The following TYW1 variants were observed in gnomAD, a reference collection of about 807,000 sequenced individuals.
TYW1 encodes tRNA-yW synthesizing protein 1 homolog, also known as S-adenosyl-L-methionine-dependent tRNA 4-demethylwyosine synthase TYW1.
Under a neutral mutation model 96.2 loss-of-function variants are expected in TYW1, and 46 were observed. The observed-to-expected ratio is 0.48, with a 90% CI of 0.38 to 0.61. TYW1 has a LOEUF of 0.61. Ranked by LOEUF, TYW1 falls within the 20% of genes least tolerant of loss-of-function variation. The pLI, the probability that TYW1 is intolerant of heterozygous loss-of-function variation, is 0.00. For missense variants in TYW1, 684 were observed against 909.6 expected (o/e 0.75, Z 3.19); for synonymous variants, 274 against 323.0 (o/e 0.85, Z 1.63).
At chr7:67,232,092 G>A (rs1178490079) in intron 15 of TYW1, among the ~76,000 whole-genome samples, 1 of 150,744 alleles carries the variant, frequency 6.6e-6, no homozygotes, top group Non-Finnish European at 1.5e-5. Flanking sequence ...TTAGCCGGGC[G>A]TGGTGGCGTG....
intron 5 of TYW1, among the ~76,000 whole-genome samples, chr7:67,015,740 A>G (rs1181884127): frequency 6.6e-6 from 1 of 152,170 alleles, no homozygotes; most frequent in African/African-American, 2.4e-5. Flanking sequence ...AGGCAGGCGG[A>G]TCACGAGGTC....
chr7:67,232,362 C>T (rs1584725501), intron 15 of TYW1, among the ~76,000 whole-genome samples: 1 of 151,546 alleles, frequency 6.6e-6, no homozygotes, highest in Admixed American at 6.6e-5. Context: ...CAACATGGTG[C>T]AACCCCATCT....
At chr7:67,146,807 T>A (rs950742310) in intron 13 of TYW1, among the ~76,000 whole-genome samples, 1 of 152,222 alleles carries the variant, frequency 6.6e-6, no homozygotes, top group African/African-American at 2.4e-5. Flanking sequence ...CAGAGGCTGA[T>A]ACAGTGGCTT....
At chr7:67,237,297 G>A (rs1046388002) in intron 15 of TYW1, among the ~76,000 whole-genome samples, 2 of 144,080 alleles carry the variant, frequency 1.4e-5, no homozygotes, top group African/African-American at 5.3e-5. Flanking sequence ...TTAGGAGATC[G>A]AGACCATCCT....
chr7:67,084,877 C>G (rs1196917641), intron 11 of TYW1, among the ~76,000 whole-genome samples: 2 of 152,120 alleles, frequency 1.3e-5, no homozygotes, highest in African/African-American at 4.8e-5. Flanking sequence ...CTTTGAGAAC[C>G]ACTACTGTAC....
In TYW1 at chr7:67,160,041, A is replaced by G. The variant is rs557624260; in HGVS notation, c.1699-23085A>G. ...ATGGTCTCGATCTCCTGACCTCGTGATCAGCCCGCCTCAGCCTCCCAAAGT... is the reference window on the plus strand; with the variant it reads ...ATGGTCTCGATCTCCTGACCTCGTGGTCAGCCCGCCTCAGCCTCCCAAAGT... On this transcript the variant is annotated intron_variant, in intron 13 of 15. Transcript: ENST00000359626. Among the ~76,000 whole-genome samples the G allele has an allele frequency of 2.3e-3, 355 of 152,286 alleles. 1 individual carries two copies. The highest frequency in any genetic ancestry group is 4.3e-3 in the Non-Finnish European group (290 of 68,014).
intron 13 of TYW1, among the ~76,000 whole-genome samples, chr7:67,123,582 G>T (rs1377297318): frequency 6.6e-6 from 1 of 152,174 alleles, no homozygotes; most frequent in East Asian, 1.9e-4. Flanking sequence ...GAGAACATTG[G>T]GGAAGGAATA....
At chr7:67,093,920 C>G (rs762482432) in intron 11 of TYW1, among the ~76,000 whole-genome samples, 1 of 152,068 alleles carries the variant, frequency 6.6e-6, no homozygotes, top group Non-Finnish European at 1.5e-5. Context: ...TTGTGTACTG[C>G]GGGAATTAGG....
chr7:67,137,847 G>A (rs1401583451), intron 13 of TYW1, among the ~76,000 whole-genome samples: 2 of 152,198 alleles, frequency 1.3e-5, no homozygotes, highest in Non-Finnish European at 2.9e-5. Context: ...TGCTTAGTAA[G>A]TGTTTCTCTA....
intron 4 of TYW1, among the ~76,000 whole-genome samples, chr7:67,011,566 C>T (rs993923005): frequency 6.6e-6 from 1 of 152,106 alleles, no homozygotes; most frequent in Non-Finnish European, 1.5e-5. Flanking sequence ...GTGATGCTGA[C>T]ACAGGTAGAG....
intron 13 of TYW1, among the ~76,000 whole-genome samples, chr7:67,171,765 T>C (rs750262136): frequency 4.6e-5 from 7 of 152,172 alleles, no homozygotes; most frequent in Admixed American, 3.9e-4. Context: ...TGTCTAATAC[T>C]AGTAAAGCAA....
rs1032705516 is a variant in TYW1, at chr7:67,237,702, C to A, written c.1978-606C>A. Among the ~76,000 whole-genome samples the A allele has an allele frequency of 1.2e-4, 18 of 152,048 alleles. No homozygotes were observed. The South Asian group carries it at 3.8e-3, about 32-fold the overall frequency. On this transcript the variant is annotated intron_variant, in intron 15 of 15. Coordinates refer to ENST00000359626, the MANE Select transcript of TYW1 (RefSeq NM_018264.4). Reference sequence around the variant, plus strand: ...TCTTCATTCCAGGTCATTATTCCACCGTGACTTTTGAGAAGCAATTTTCTT... The same window carrying A: ...TCTTCATTCCAGGTCATTATTCCACAGTGACTTTTGAGAAGCAATTTTCTT...
chr7:67,077,616 G>T (rs1211550157), intron 10 of TYW1, among the ~76,000 whole-genome samples: 1 of 152,116 alleles, frequency 6.6e-6, no homozygotes, highest in Non-Finnish European at 1.5e-5. Flanking sequence ...TGGGTTGTTT[G>T]AATTTTTTGT....
At chr7:67,213,994 G>C (rs1346455609) in intron 15 of TYW1, among the ~76,000 whole-genome samples, 3 of 152,106 alleles carry the variant, frequency 2.0e-5, no homozygotes, top group African/African-American at 4.8e-5. Context: ...GGCTATTCTA[G>C]ATCCTTTCCC....
chr7:67,038,115 A>G (rs1489729354), intron 7 of TYW1, among the ~76,000 whole-genome samples: 1 of 151,230 alleles, frequency 6.6e-6, no homozygotes, highest in East Asian at 2.0e-4. Flanking sequence ...AGCCTGGCTA[A>G]CATGGTGAAA....
At chr7:67,133,419 C>A (rs1387951457) in intron 13 of TYW1, among the ~76,000 whole-genome samples, 1 of 152,076 alleles carries the variant, frequency 6.6e-6, no homozygotes, top group Admixed American at 6.6e-5. Flanking sequence ...CTGGGATTGT[C>A]CGGGCACGGT....
At chr7:67,061,515 G>A (rs1004869888) in intron 9 of TYW1, among the ~76,000 whole-genome samples, 15 of 152,102 alleles carry the variant, frequency 9.9e-5, no homozygotes, top group African/African-American at 3.1e-4. Flanking sequence ...TAGATCTTAC[G>A]TACAATCTTA....
intron 9 of TYW1, among the ~76,000 whole-genome samples, chr7:67,062,173 G>A (rs1795713570): frequency 6.6e-6 from 1 of 152,082 alleles, no homozygotes; most frequent in African/African-American, 2.4e-5. Flanking sequence ...CACTTCGGGA[G>A]GCTGAGGTGG....
intron 13 of TYW1, among the ~76,000 whole-genome samples, chr7:67,138,095 C>T (rs1434095165): frequency 6.6e-6 from 1 of 152,142 alleles, no homozygotes; most frequent in Non-Finnish European, 1.5e-5. Context: ...GCTTGCTTTG[C>T]AGACACCCCA....
Sources: gnomAD v4.1 joint callset for allele counts (sites outside exome capture counted in the v4.1 genomes callset) on GRCh38, gnomAD v4.1.1 for gene constraint, MANE v1.5 for transcripts, NCBI Gene and HGNC (gene_info 2026-07-23, HGNC 2026-07-21) for gene names.